URGCP: variants seen among roughly 807,000 people sequenced by gnomAD.
URGCP encodes the protein upregulator of cell proliferation, also known as up-regulator of cell proliferation.
In URGCP, 13 loss-of-function variants were observed where a neutral mutation model predicts 24.6. The ratio of observed to expected loss-of-function variants is 0.53; its 90% CI spans 0.34 to 0.84. The LOEUF (loss-of-function observed/expected upper bound fraction) is 0.84, where lower values mean the gene tolerates loss of function less well. Ranked by LOEUF, URGCP falls within the 40% of genes least tolerant of loss-of-function variation. URGCP has a pLI of 0.01. For missense variants in URGCP, 899 were observed against 1,194.3 expected (o/e 0.75, Z 3.64); for synonymous variants, 444 against 487.2 (o/e 0.91, Z 1.17).
chr7:43,918,861 G>C, intron 1 of URGCP: 1 of 1,390,792 alleles, frequency 7.2e-7, no homozygotes, highest in Non-Finnish European at 1.0e-6. Flanking sequence ...CTACCAGGCA[G>C]ACGATGAGCA....
At position 43,879,250 on chromosome 7, in the gene URGCP, G is replaced by T; in HGVS notation, c.213C>A (p.Ser71Arg). 1 of 1,609,062 alleles carries T rather than the reference G, an allele frequency of 6.2e-7. No homozygotes were observed. The part of the protein sequence containing the change: ...QDNDFPTVER[S>R]RLQEMLSLLG... ...AAAGTGACAGCATTTCTTGAAGCCT[G>T]CTTCTCTCCACTGTGGAAAGAAATG... The change falls in exon 6 of 6, where the codon AGC becomes AGA. Residue 71 changes from serine to arginine, a missense_variant. Coordinates refer to ENST00000453200, the MANE Select transcript of URGCP (RefSeq NM_001077663.3).
intron 3 of URGCP, 114 bp downstream of exon 3, chr7:43,887,301 A>G: frequency 1.6e-6 from 2 of 1,252,412 alleles, no homozygotes; most frequent in South Asian, 1.7e-5. Context: ...AAACTTATTT[A>G]TTTTTGAGAT....
At chr7:43,896,315 G>A (rs1462978790) in intron 1 of URGCP, among the ~76,000 whole-genome samples, 1 of 152,010 alleles carries the variant, frequency 6.6e-6, no homozygotes, top group Non-Finnish European at 1.5e-5. Flanking sequence ...AATTAGCTGG[G>A]CGTGGTGGCA....
At chr7:43,925,794 C>T (rs1181225974) in intron 1 of URGCP, among the ~76,000 whole-genome samples, 8 of 64,232 alleles carry the variant, frequency 1.2e-4, no homozygotes, top group Non-Finnish European at 2.4e-4. Flanking sequence ...GCCACCTCGT[C>T]TGGCTTTTTT....
At chr7:43,903,350 A>C (rs928437324) in intron 1 of URGCP, among the ~76,000 whole-genome samples, 3 of 152,194 alleles carry the variant, frequency 2.0e-5, no homozygotes, top group Non-Finnish European at 4.4e-5. Context: ...AACATCTGTC[A>C]GGGTACCCCC....
chr7:43,896,896 G>A (rs539061747), intron 1 of URGCP, among the ~76,000 whole-genome samples: 24 of 152,190 alleles, frequency 1.6e-4, no homozygotes, highest in South Asian at 4.1e-4. Flanking sequence ...ATTATTTATT[G>A]TAGATTTATC....
chr7:43,913,002 C>A lies in URGCP; in HGVS notation c.-116+13130G>T, dbSNP rs111368702. On this transcript the variant is annotated intron_variant, in intron 1 of 5. Transcript: ENST00000426198. ...TGTAGCTGGGATTACAGCCATGCGC[C>A]ACCATGCCCAGCTAATTTTTATATT... Among the ~76,000 whole-genome samples, 1,398 of 152,158 alleles carry A rather than the reference C, an allele frequency of 9.2e-3. 26 individuals carry two copies. The highest frequency in any genetic ancestry group is 0.026 in the African/African-American group (1,062 of 41,490).
intron 1 of URGCP, among the ~76,000 whole-genome samples, chr7:43,922,458 C>T (rs1300982521): frequency 6.6e-6 from 1 of 152,234 alleles, no homozygotes; most frequent in Non-Finnish European, 1.5e-5. Flanking sequence ...AACTTCTCCA[C>T]ATCTTTGTCA....
intron 1 of URGCP, chr7:43,919,720 G>A (rs879922089): frequency 3.0e-5 from 41 of 1,376,438 alleles, no homozygotes; most frequent in Middle Eastern, 1.8e-4. Flanking sequence ...CAGAGGATCC[G>A]GGAATGGAAG....
intron 1 of URGCP, among the ~76,000 whole-genome samples, chr7:43,904,551 G>T (rs1004880249): frequency 6.6e-6 from 1 of 152,198 alleles, no homozygotes; most frequent in Non-Finnish European, 1.5e-5. Flanking sequence ...GAGGGTCTCA[G>T]AAAGCACTGT....
rs186723230 is a variant in URGCP, at chr7:43,917,839, A to T, written c.-116+8293T>A. Among the ~76,000 whole-genome samples the T allele has an allele frequency of 1.1e-3, 173 of 152,070 alleles. 1 individual carries two copies. The highest frequency in any genetic ancestry group is 3.8e-3 in the African/African-American group (156 of 41,500). On this transcript the variant is annotated intron_variant, in intron 1 of 5. Transcript: ENST00000426198. ...TAAAAAATTGGCTGGGCATGGTGGC[A>T]TGTAGTCCCAGCTACCCAGGAAGCT... is the stretch of plus-strand genomic sequence containing the variant.
intron 1 of URGCP, among the ~76,000 whole-genome samples, chr7:43,899,252 AAGG>A (rs1382898976): frequency 6.8e-6 from 1 of 147,746 alleles, no homozygotes; most frequent in Non-Finnish European, 1.5e-5. Context: ...AAAATGTTTA[AAGG>A]AGTATTCTAT....
chr7:43,878,476 T>A lies in URGCP; in HGVS notation c.987A>T (p.Pro329=). 6.2e-7 allele frequency: 1 copy of A among 1,614,218 alleles called. No individual in the cohort carries two copies. Among genetic ancestry groups the A allele is most frequent in the Non-Finnish European group, 8.5e-7 (1 of 1,180,030 alleles). Residue 329 remains proline, a synonymous_variant, in exon 6 of 6, where the codon CCA becomes CCT. Transcript: ENST00000453200. The surrounding 1 kb of genome is among the most constrained non-coding windows in gnomAD (Gnocchi z 5.6). The part of the protein sequence containing the change: ...PSGREDLDIF[P]EPVAFLNLRG... ...TCAGGTTCAGAAAGGCCACAGGTTC[T>A]GGGAAAATGTCCAAGTCCTCCCTTC... is the stretch of plus-strand genomic sequence containing the variant.
chr7:43,876,444 T>G lies in URGCP; in HGVS notation c.*223A>C. The G allele has an allele frequency of 1.7e-6, 1 of 576,018 alleles. No individual in the cohort carries two copies. Among genetic ancestry groups the G allele is most frequent in the Non-Finnish European group, 3.1e-6 (1 of 326,316 alleles). The allele number at this position is 576,018 out of a possible 1,614,324, so 35.7% of individuals were successfully genotyped here. ...CAAACTGCTGCTTGTCTCCCTACCCTGGGGGCTGTGATATTCTTGGTAACA... is the reference window on the plus strand; with the variant it reads ...CAAACTGCTGCTTGTCTCCCTACCCGGGGGGCTGTGATATTCTTGGTAACA... On this transcript the variant is annotated 3_prime_UTR_variant, in exon 6 of 6. Transcript: ENST00000453200.
intron 1 of URGCP, chr7:43,888,034 G>A: frequency 1.9e-6 from 1 of 535,450 alleles, no homozygotes; most frequent in East Asian, 3.1e-5. Flanking sequence ...GGGAAAGTCA[G>A]GCTACAGAAA....
intron 1 of URGCP, among the ~76,000 whole-genome samples, chr7:43,917,976 AC>A (rs979053760): frequency 4.6e-5 from 7 of 152,018 alleles, no homozygotes; most frequent in Non-Finnish European, 8.8e-5. Flanking sequence ...ACAAAACAAA[AC>A]AAAACAAAAA....
At chr7:43,902,268 T>A (rs2095892490) in intron 1 of URGCP, among the ~76,000 whole-genome samples, 1 of 151,942 alleles carries the variant, frequency 6.6e-6, no homozygotes. Context: ...TGGCCTTGGG[T>A]TTGTCGTCCA....
intron 1 of URGCP, among the ~76,000 whole-genome samples, chr7:43,901,443 G>A (rs530296701): frequency 2.6e-5 from 4 of 152,324 alleles, no homozygotes; most frequent in African/African-American, 7.2e-5. Flanking sequence ...TACGTCCAGC[G>A]TAGGGAACAC....
chr7:43,887,954 A>G (rs2095864508), intron 1 of URGCP, 138 bp from the exon 2 acceptor site: 1 of 596,950 alleles, frequency 1.7e-6, no homozygotes, highest in Non-Finnish European at 2.9e-6. Flanking sequence ...AAAATACGCT[A>G]TGGATTTCTT....
Sources: gnomAD v4.1 joint callset for allele counts (sites outside exome capture counted in the v4.1 genomes callset) on GRCh38, gnomAD v4.1.1 for gene constraint, Gnocchi (gnomAD v3.1) non-coding constraint, MANE v1.5 for transcripts, NCBI Gene and HGNC (gene_info 2026-07-23, HGNC 2026-07-21) for gene names.